TNNT2: variants seen among roughly 807,000 people sequenced by gnomAD.
TNNT2 encodes troponin T, cardiac muscle.
TNNT2 carries 34 observed loss-of-function variants against 62.4 expected under a neutral mutation model. That is an observed-to-expected ratio of 0.54 (90% confidence interval 0.41 to 0.72). TNNT2 has a LOEUF of 0.72. TNNT2 is among the 30% of genes least tolerant of loss of function. The pLI is 0.00. For missense variants in TNNT2, 275 were observed against 381.9 expected (o/e 0.72, Z 2.33); for synonymous variants, 123 against 127.2 (o/e 0.97, Z 0.22).
At position 201,362,917 on chromosome 1, in the gene TNNT2, G is replaced by C. The variant is rs575019268; in HGVS notation, c.600+379C>G. On this transcript the variant is annotated intron_variant, in intron 12 of 16. Transcript: ENST00000656932. The stretch of plus-strand genomic sequence containing the variant: ...TGCCAGTTGAGGAAACCGAGGCTCA[G>C]AGGTTGCAAAAGGTCACACAACTGT... Among the ~76,000 whole-genome samples, 26 of 152,326 alleles carry C rather than the reference G, an allele frequency of 1.7e-4. 2 individuals carry two copies. The South Asian group carries it at 5.4e-3, about 32-fold the overall frequency.
At chr1:201,365,858 C>T (rs1659571299) in intron 8 of TNNT2, 188 bp from the exon 9 acceptor site, 2 of 1,477,252 alleles carry the variant, frequency 1.4e-6, no homozygotes, top group East Asian at 5.0e-5. Context: ...TGGGAATACA[C>T]AAAGCTCTTT....
intron 15 of TNNT2, chr1:201,360,631 T>G: frequency 6.5e-6 from 1 of 152,808 alleles, no homozygotes; most frequent in Non-Finnish European, 1.4e-5. Flanking sequence ...CAGGGAGGAG[T>G]GGTTTGGCAG....
chr1:201,367,477 G>T, intron 7 of TNNT2: 2 of 564,878 alleles, frequency 3.5e-6, no homozygotes, highest in South Asian at 4.3e-5. Context: ...TAAGCTCTAG[G>T]AGCTTCATGT....
At chr1:201,373,347 A>G (rs1660940595) in intron 1 of TNNT2, 79 bp from the exon 2 acceptor site, 1 of 1,304,012 alleles carries the variant, frequency 7.7e-7, no homozygotes, top group Non-Finnish European at 1.1e-6. Context: ...CCCGTTGTAC[A>G]GAGATCAGCG....
intron 1 of TNNT2, among the ~76,000 whole-genome samples, chr1:201,377,240 G>C: frequency 6.6e-6 from 1 of 152,190 alleles, no homozygotes; most frequent in East Asian, 1.9e-4. Flanking sequence ...GGGAGTCTCT[G>C]TTGGTTAGAG....
At chr1:201,364,405 T>C in intron 10 of TNNT2, 30 bp from the exon 11 acceptor site, 2 of 1,608,204 alleles carry the variant, frequency 1.2e-6, no homozygotes, top group Non-Finnish European at 1.7e-6. Flanking sequence ...CCCACCCAGG[T>C]GTGCATAGGG....
intron 11 of TNNT2, chr1:201,363,608 C>A: frequency 1.7e-6 from 1 of 582,374 alleles, no homozygotes; most frequent in Non-Finnish European, 3.1e-6. Flanking sequence ...GAATGAGGTC[C>A]TGATTCCCAA....
At chr1:201,369,984 T>C (rs1571661772) in intron 4 of TNNT2, 139 bp from the exon 5 acceptor site, 24 of 894,522 alleles carry the variant, frequency 2.7e-5, no homozygotes, top group South Asian at 7.2e-5. Flanking sequence ...GCATTCCAAT[T>C]CCCAAGCCAC....
intron 14 of TNNT2, 73 bp from the exon 15 acceptor site, chr1:201,361,442 C>T (rs1571601707): frequency 7.4e-7 from 1 of 1,353,776 alleles, no homozygotes; most frequent in Non-Finnish European, 1.1e-6. Flanking sequence ...CTGGTCCCGG[C>T]CCAGCCCCCA....
chr1:201,359,383 G>T, intron 16 of TNNT2, 128 bp from the exon 17 acceptor site: 1 of 1,217,858 alleles, frequency 8.2e-7, no homozygotes, highest in African/African-American at 1.5e-5. Context: ...GGGCAGAATA[G>T]GACAGCAGCC....
chr1:201,362,158 C>G lies in TNNT2; in HGVS notation c.610-136G>C, dbSNP rs758824912. The G allele has an allele frequency of 2.6e-6, 3 of 1,150,478 alleles. No homozygotes were observed. The South Asian group carries it at 3.8e-5, about 15-fold the overall frequency. The allele number at this position is 1,150,478 out of a possible 1,614,324, so 71.3% of individuals were successfully genotyped here. On this transcript the variant is annotated intron_variant, in intron 13 of 16. Coordinates refer to ENST00000656932, the MANE Select transcript of TNNT2 (RefSeq NM_001276345.2). The stretch of plus-strand genomic sequence containing the variant: ...TATGCTCTTCTTCCTGCCACACCCC[C>G]CAACTACCAACTACATGTATTCCCT...
At chr1:201,366,526 A>G in intron 8 of TNNT2, 4 of 1,254,406 alleles carry the variant, frequency 3.2e-6, no homozygotes, top group Non-Finnish European at 3.0e-6. Flanking sequence ...CACCTCGGCC[A>G]TGGAGGAGGG....
intron 10 of TNNT2, among the ~76,000 whole-genome samples, 196 bp downstream of exon 10, chr1:201,364,995 G>C (rs1361633709): frequency 6.6e-6 from 1 of 152,136 alleles, no homozygotes; most frequent in Non-Finnish European, 1.5e-5. Flanking sequence ...GGATGGGGAG[G>C]GAAGGCAGGG....
intron 10 of TNNT2, among the ~76,000 whole-genome samples, chr1:201,364,810 G>A (rs576835816): frequency 3.3e-4 from 50 of 152,360 alleles, no homozygotes; most frequent in African/African-American, 1.1e-3. Flanking sequence ...TGCAGGAGAA[G>A]GATGTGGGAT....
At chr1:201,361,717 C>G (rs1311903007) in intron 14 of TNNT2, among the ~76,000 whole-genome samples, 196 bp downstream of exon 14, 1 of 152,242 alleles carries the variant, frequency 6.6e-6, no homozygotes, top group African/African-American at 2.4e-5. Flanking sequence ...GCTCAGTTCT[C>G]TTTCCCCATC....
chr1:201,367,524 A>G, intron 7 of TNNT2: 5 of 615,836 alleles, frequency 8.1e-6, no homozygotes, highest in South Asian at 7.7e-5. Flanking sequence ...CTCTGTCCAG[A>G]CCAGGGGGCT....
intron 4 of TNNT2, 129 bp downstream of exon 4, chr1:201,371,898 G>T: frequency 7.9e-7 from 1 of 1,273,068 alleles, no homozygotes; most frequent in African/African-American, 1.5e-5. Flanking sequence ...AGAAGGCACT[G>T]TTGTTGGAGG....
chr1:201,364,468 T>A, intron 10 of TNNT2, 93 bp from the exon 11 acceptor site: 1 of 1,303,802 alleles, frequency 7.7e-7, no homozygotes, highest in Non-Finnish European at 1.1e-6. Context: ...AGGGAATTCC[T>A]GGGGGAGGGT....
chr1:201,371,953 TTCCCAGGGC>T, intron 4 of TNNT2, 65 bp downstream of exon 4: 1 of 1,600,700 alleles, frequency 6.2e-7, no homozygotes, highest in Non-Finnish European at 8.5e-7. Flanking sequence ...ATGAGCTGCT[TTCCCAGGGC>T]TCCCAGGATT....
Sources: gnomAD v4.1 joint callset for allele counts (sites outside exome capture counted in the v4.1 genomes callset) on GRCh38, gnomAD v4.1.1 for gene constraint, MANE v1.5 for transcripts, NCBI Gene and HGNC (gene_info 2026-07-23, HGNC 2026-07-21) for gene names.